Variants in ZHX3 observed in about 807,000 individuals in gnomAD.
ZHX3 encodes the protein zinc fingers and homeoboxes 3, also known as zinc fingers and homeoboxes protein 3.
Under a neutral mutation model 64.5 loss-of-function variants are expected in ZHX3, and 20 were observed. The ratio of observed to expected loss-of-function variants is 0.31; its 90% CI spans 0.22 to 0.45. The LOEUF (loss-of-function observed/expected upper bound fraction) is 0.45. Ranked by LOEUF, ZHX3 falls within the 20% of genes least tolerant of loss-of-function variation. The pLI is 1.00. For missense variants in ZHX3, 1,041 were observed against 1,195.8 expected (o/e 0.87, Z 1.91); for synonymous variants, 423 against 461.6 (o/e 0.92, Z 1.07).
intron 1 of ZHX3, among the ~76,000 whole-genome samples, chr20:41,306,670 A>G (rs537050134): frequency 5.3e-5 from 8 of 152,362 alleles, no homozygotes; most frequent in African/African-American, 1.4e-4. Flanking sequence ...GTATGGTAAA[A>G]TGGGGCCTAT....
At chr20:41,271,533 G>A (rs1203373098) in intron 1 of ZHX3, among the ~76,000 whole-genome samples, 6 of 152,074 alleles carry the variant, frequency 3.9e-5, no homozygotes, top group Non-Finnish European at 8.8e-5. Context: ...TAGTCTGGAT[G>A]GCATATTTTG....
At chr20:41,251,139 G>A (rs534827062) in intron 2 of ZHX3, among the ~76,000 whole-genome samples, 39 of 142,796 alleles carry the variant, frequency 2.7e-4, no homozygotes, top group African/African-American at 1.0e-3. Flanking sequence ...GAAAACAACA[G>A]AAAAGGCAGA....
chr20:41,305,202 G>A (rs2044938834), intron 1 of ZHX3, among the ~76,000 whole-genome samples: 5 of 152,208 alleles, frequency 3.3e-5, no homozygotes, highest in African/African-American at 2.4e-5. Flanking sequence ...TCAGTGATAC[G>A]CAAGGTAAGA....
chr20:41,292,630 A>C (rs2044307596), intron 1 of ZHX3, among the ~76,000 whole-genome samples: 1 of 152,210 alleles, frequency 6.6e-6, no homozygotes, highest in African/African-American at 2.4e-5. Context: ...AGTACCTTTC[A>C]GTTTAGGAAT....
At chr20:41,298,964 C>T (rs966080082) in intron 1 of ZHX3, among the ~76,000 whole-genome samples, 2 of 105,654 alleles carry the variant, frequency 1.9e-5, no homozygotes, top group South Asian at 2.6e-4. Context: ...CAAGAGGTGT[C>T]CCCTACGTAA....
rs1211694020 is a variant in ZHX3, at chr20:41,278,141, G to A, written c.-244-9058C>T. Among the ~76,000 whole-genome samples the A allele has an allele frequency of 6.6e-5, 9 of 137,302 alleles. 1 individual carries two copies. The highest frequency in any genetic ancestry group is 4.5e-4 in the East Asian group (2 of 4,404). The allele number at this position is 137,302 out of a possible 152,430, so 90.1% of individuals were successfully genotyped here. A position where few individuals can be genotyped will look rare whatever the true frequency, so the allele number is the denominator to read the frequency against. On this transcript the variant is annotated intron_variant, in intron 1 of 3. Transcript: ENST00000683867. Reference sequence around the variant, plus strand: ...GCAGATCACTTGAGGCCAGGAATTCGAGACTAGCCTGGCCAACATGGTGAA... The same window carrying A: ...GCAGATCACTTGAGGCCAGGAATTCAAGACTAGCCTGGCCAACATGGTGAA...
rs1038472883 is a variant in ZHX3, at chr20:41,201,104, A to T, written c.2860+953T>A. On this transcript the variant is annotated intron_variant, in intron 3 of 3. Coordinates refer to ENST00000683867, the MANE Select transcript of ZHX3 (RefSeq NM_001384317.1). This position sits in a 1 kb window ranked among gnomAD's most constrained non-coding sequence, Gnocchi z 5.0. ...GGTTGGCCCTGGGGATGAGGTACCA[A>T]ACACAAGGCCCCACACTGAGGCAGC... Among the ~76,000 whole-genome samples, 25 of 152,202 alleles carry T rather than the reference A, an allele frequency of 1.6e-4. No homozygotes were observed. The highest frequency in any genetic ancestry group is 5.8e-4 in the African/African-American group (24 of 41,450).
chr20:41,259,813 G>A (rs2042465661), intron 2 of ZHX3, among the ~76,000 whole-genome samples: 1 of 152,100 alleles, frequency 6.6e-6, no homozygotes, highest in Non-Finnish European at 1.5e-5. Context: ...TATTTATTTA[G>A]TCTGTAACTA....
intron 3 of ZHX3, among the ~76,000 whole-genome samples, chr20:41,194,830 C>T (rs1385648743): frequency 1.3e-5 from 2 of 152,136 alleles, no homozygotes; most frequent in South Asian, 2.1e-4. Context: ...TTTATTGGCA[C>T]ATAACTGTTA....
At chr20:41,209,874 A>C (rs1245193583) in intron 2 of ZHX3, among the ~76,000 whole-genome samples, 2 of 152,232 alleles carry the variant, frequency 1.3e-5, no homozygotes, top group African/African-American at 4.8e-5. Flanking sequence ...GAGCTTCTGC[A>C]AAGCGAAAGA....
chr20:41,242,592 G>T (rs1412626529), intron 2 of ZHX3, among the ~76,000 whole-genome samples: 1 of 152,074 alleles, frequency 6.6e-6, no homozygotes, highest in African/African-American at 2.4e-5. Context: ...CTGTCTGCTG[G>T]CCTCTGACCC....
At chr20:41,235,738 C>T (rs2040933912) in intron 2 of ZHX3, among the ~76,000 whole-genome samples, 1 of 152,150 alleles carries the variant, frequency 6.6e-6, no homozygotes, top group African/African-American at 2.4e-5. Context: ...TCTCACCACT[C>T]CTATTCAACA....
At chr20:41,244,230 G>A (rs1277299124) in intron 2 of ZHX3, among the ~76,000 whole-genome samples, 2 of 152,182 alleles carry the variant, frequency 1.3e-5, no homozygotes, top group Non-Finnish European at 2.9e-5. Flanking sequence ...TGGTGAAGAT[G>A]TGCCAGAAAC....
At chr20:41,244,384 C>T (rs1043527882) in intron 2 of ZHX3, among the ~76,000 whole-genome samples, 5 of 152,136 alleles carry the variant, frequency 3.3e-5, no homozygotes, top group Non-Finnish European at 1.5e-5. Flanking sequence ...TTAAAGCAAA[C>T]GGAGGGTCAG....
intron 2 of ZHX3, among the ~76,000 whole-genome samples, chr20:41,216,482 T>G (rs1378492531): frequency 6.6e-6 from 1 of 152,240 alleles, no homozygotes; most frequent in Non-Finnish European, 1.5e-5. Context: ...TATTTTTACA[T>G]CCTATTTTGA....
chr20:41,281,479 G>T (rs2043673417), intron 1 of ZHX3, among the ~76,000 whole-genome samples: 1 of 152,234 alleles, frequency 6.6e-6, no homozygotes, highest in Admixed American at 6.5e-5. Context: ...TAGGTGAAGT[G>T]CAATTGCTAA....
At chr20:41,252,139 C>A (rs1049299604) in intron 2 of ZHX3, among the ~76,000 whole-genome samples, 2 of 152,144 alleles carry the variant, frequency 1.3e-5, no homozygotes, top group South Asian at 4.1e-4. Context: ...GCTGTCTATA[C>A]CTGCCTTACC....
chr20:41,289,136 C>T (rs776621766), intron 1 of ZHX3, among the ~76,000 whole-genome samples: 13 of 151,922 alleles, frequency 8.6e-5, no homozygotes, highest in Non-Finnish European at 1.8e-4. Context: ...GGACTATAGG[C>T]ATTCATGTCA....
chr20:41,310,930 T>C (rs1390951984), intron 1 of ZHX3, among the ~76,000 whole-genome samples: 2 of 148,278 alleles, frequency 1.3e-5, no homozygotes, highest in African/African-American at 5.0e-5. Flanking sequence ...TGCCTCAGCC[T>C]CCTGAGTAGC....
Sources: allele counts gnomAD v4.1 joint callset (sites outside exome capture counted in the v4.1 genomes callset), GRCh38; gene constraint gnomAD v4.1.1; non-coding constraint Gnocchi (gnomAD v3.1); transcripts MANE v1.5; gene names NCBI Gene and HGNC (gene_info 2026-07-23, HGNC 2026-07-21).